The following METTL14 variants were observed in gnomAD, a reference collection of about 807,000 sequenced individuals.
METTL14 encodes N(6)-adenosine-methyltransferase non-catalytic subunit METTL14.
Under a neutral mutation model 62.4 loss-of-function variants are expected in METTL14, and 32 were observed. The observed-to-expected ratio is 0.51, with a 90% CI of 0.39 to 0.69. The LOEUF is 0.69. METTL14 is among the 30% of genes least tolerant of loss of function. The pLI is 0.00. For missense variants in METTL14, 340 were observed against 551.9 expected (o/e 0.62, Z 3.85); for synonymous variants, 150 against 180.0 (o/e 0.83, Z 1.34).
chr4:118,694,477 C>T lies in METTL14; in HGVS notation c.454C>T (p.Leu152Phe), dbSNP rs1304012309. The stretch of plus-strand genomic sequence containing the variant: ...TGAAGAATATCCTAAACTGAGGGAG[C>T]TCATCAGGCTAAAGGATGAGTTAAT... ...RFEEYPKLRE[L>F]IRLKDELIAK... Residue 152 changes from leucine (L) to phenylalanine (F), a missense_variant, in exon 6 of 11, where the codon CTC becomes TTC. Physicochemically the swap from Leu to Phe is conservative, Grantham distance 22 (BLOSUM62 0). This residue lies in a region of METTL14 where 16 missense variants were observed against 70.3 expected (regional missense o/e 0.23). Coordinates refer to ENST00000388822, the MANE Select transcript of METTL14 (RefSeq NM_020961.4). 6.2e-7 allele frequency: 1 copy of T among 1,613,048 alleles called. No individual in the cohort carries two copies. Among genetic ancestry groups the T allele is most frequent in the Non-Finnish European group, 8.5e-7 (1 of 1,179,546 alleles).
intron 1 of METTL14, 94 bp downstream of exon 1, chr4:118,685,694 C>A: frequency 9.5e-7 from 1 of 1,053,174 alleles, no homozygotes; most frequent in Non-Finnish European, 1.4e-6. Context: ...TGTCCCTTCT[C>A]TACCTGCCGC....
chr4:118,692,781 C>T (rs1319406057), intron 5 of METTL14, among the ~76,000 whole-genome samples: 8 of 152,066 alleles, frequency 5.3e-5, no homozygotes, highest in Admixed American at 5.2e-4. Context: ...TTGCATCTCC[C>T]CTAAGGAAGC....
intron 6 of METTL14, among the ~76,000 whole-genome samples, chr4:118,695,772 T>C (rs1009561727): frequency 3.3e-5 from 5 of 152,058 alleles, no homozygotes; most frequent in Non-Finnish European, 7.4e-5. Flanking sequence ...ATCTTTGAAA[T>C]TGGAGAATTT....
At position 118,697,259 on chromosome 4, in the gene METTL14, C is replaced by A. The variant is rs974315570; in HGVS notation, c.581C>A (p.Pro194His). 6.2e-7 allele frequency: 1 copy of A among 1,611,742 alleles called. No individual in the cohort carries two copies. Among genetic ancestry groups the A allele is most frequent in the South Asian group, 1.1e-5 (1 of 90,758 alleles). Residue 194 changes from proline to histidine, a missense_variant, in exon 7 of 11, where the codon CCT becomes CAT. Physicochemically the swap from Pro to His is moderately conservative, Grantham distance 77. Transcript: ENST00000388822. Reference protein sequence around the residue: ...PKFDVILLEPPLEEYYRETGI... With the variant: ...PKFDVILLEPHLEEYYRETGI... ...TTTGATGTGATTCTTCTGGAACCCC[C>A]TTTAGAAGAATATTACAGAGAAACT... is the stretch of plus-strand genomic sequence containing the variant.
intron 8 of METTL14, among the ~76,000 whole-genome samples, chr4:118,703,039 C>T (rs1268554159): frequency 6.6e-6 from 1 of 150,932 alleles, no homozygotes. Context: ...TATACATGTG[C>T]CATGGTGGTT....
chr4:118,707,736 G>A (rs1317318215), intron 10 of METTL14, among the ~76,000 whole-genome samples: 1 of 150,756 alleles, frequency 6.6e-6, no homozygotes, highest in Admixed American at 6.6e-5. Context: ...CAAGGACATA[G>A]CCTAAGGTAT....
intron 10 of METTL14, among the ~76,000 whole-genome samples, chr4:118,707,165 C>T (rs184021066): frequency 3.0e-4 from 46 of 151,774 alleles, no homozygotes; most frequent in Middle Eastern, 6.8e-3. Context: ...GTTAGGGGTA[C>T]AGGTTTAATT....
chr4:118,707,735 A>T (rs1208957124), intron 10 of METTL14, among the ~76,000 whole-genome samples: 1 of 151,892 alleles, frequency 6.6e-6, no homozygotes, highest in Non-Finnish European at 1.5e-5. Context: ...TCAAGGACAT[A>T]GCCTAAGGTA....
rs931030557 is a variant in METTL14 at position 118,712,048 on chromosome 4, C to G, written c.*1746C>G. 6.6e-6 allele frequency: 1 copy of G among 152,038 alleles called. No homozygotes were observed. Among genetic ancestry groups the G allele is most frequent in the Non-Finnish European group, 1.5e-5 (1 of 68,010 alleles). 9.4% of individuals were successfully genotyped at this position (152,038 alleles called of 1,614,324 possible). On this transcript the variant is annotated 3_prime_UTR_variant, in exon 11 of 11. Transcript: ENST00000388822. Reference sequence around the variant, plus strand: ...GAAAGTTAAGGGGAGCCATGATCTACCATATTTAGGAAAAAGTTATTTAAA... The same window carrying G: ...GAAAGTTAAGGGGAGCCATGATCTAGCATATTTAGGAAAAAGTTATTTAAA...
Position 118,689,411 on chromosome 4 carries a change from A to T in METTL14, c.197A>T (p.Tyr66Phe). ...DTSAPNAKRKYLDEGETDEDK... is the reference protein window; with the variant it reads ...DTSAPNAKRKFLDEGETDEDK... Reference sequence around the variant, plus strand: ...TCTGCTCCAAATGCAAAACGTAAGTATCTGGATGAAGGAGAGACAGATGAA... The same window carrying T: ...TCTGCTCCAAATGCAAAACGTAAGTTTCTGGATGAAGGAGAGACAGATGAA... The change falls in exon 3 of 11, where the codon TAT becomes TTT. Residue 66 changes from tyrosine (Y) to phenylalanine (F), a missense_variant. This residue lies in a region of METTL14 where 111 missense variants were observed against 116.6 expected (regional missense o/e 0.95). Coordinates refer to ENST00000388822, the MANE Select transcript of METTL14 (RefSeq NM_020961.4). 1 of 1,607,146 alleles carries T rather than the reference A, an allele frequency of 6.2e-7. No individual in the cohort carries two copies. Among genetic ancestry groups the T allele is most frequent in the Non-Finnish European group, 8.5e-7 (1 of 1,177,000 alleles).
In METTL14 at chr4:118,691,575, A is replaced by G. The variant is rs376584637; in HGVS notation, c.287A>G (p.Glu96Gly). 1.9e-6 allele frequency: 3 copies of G among 1,557,380 alleles called. No homozygotes were observed. The highest frequency in any genetic ancestry group is 2.6e-6 in the Non-Finnish European group (3 of 1,150,418). ...MQQDEENLPY[E>G]EEIYKDSSTF... ...CAGGATGAAGAAAATTTGCCATATG[A>G]AGAAGAGATTTACAAAGATTCTAGT... is the stretch of plus-strand genomic sequence containing the variant. Residue 96 changes from glutamate (E) to glycine (G), a missense_variant, in exon 4 of 11, where the codon GAA becomes GGA. By Grantham distance (98) the Glu-to-Gly change is moderately conservative. Around this residue, in one of 7 missense-constraint regions of METTL14, gnomAD observed 111 missense variants for 116.6 expected, o/e 0.95. Coordinates refer to ENST00000388822, the MANE Select transcript of METTL14 (RefSeq NM_020961.4).
chr4:118,715,357 T>C lies in METTL14; in HGVS notation c.*5055T>C, dbSNP rs1341242878. The stretch of plus-strand genomic sequence containing the variant: ...GATCAAAGTAATTGCTTAAATGTCT[T>C]GTGGAATTAGCTGTCACTTTATAGT... On this transcript the variant is annotated 3_prime_UTR_variant, in exon 11 of 11. Coordinates refer to ENST00000388822, the MANE Select transcript of METTL14 (RefSeq NM_020961.4). 6.6e-6 allele frequency: 1 copy of C among 152,206 alleles called. No individual in the cohort carries two copies. The allele number at this position is 152,206 out of a possible 1,614,324, so 9.4% of individuals were successfully genotyped here.
intron 10 of METTL14, among the ~76,000 whole-genome samples, chr4:118,709,037 A>T (rs1366381302): frequency 6.6e-6 from 1 of 152,380 alleles, no homozygotes; most frequent in African/African-American, 2.4e-5. Context: ...ACAGAAGTAT[A>T]ATGTGCAGTG....
intron 9 of METTL14, 39 bp downstream of exon 9, chr4:118,704,090 ATTTTCTCTCAAGCTT>A: frequency 2.4e-6 from 3 of 1,252,524 alleles, no homozygotes; most frequent in Non-Finnish European, 3.4e-6. Context: ...AATTTTTGTG[ATTTTCTCTCAAGCTT>A]TTCCAAATAA....
At chr4:118,692,868 A>C (rs1724296893) in intron 5 of METTL14, among the ~76,000 whole-genome samples, 1 of 151,896 alleles carries the variant, frequency 6.6e-6, no homozygotes, top group African/African-American at 2.4e-5. Flanking sequence ...CTGCTGATCT[A>C]CTTTCTATTT....
chr4:118,708,908 G>A (rs921776241), intron 10 of METTL14, among the ~76,000 whole-genome samples: 10 of 152,268 alleles, frequency 6.6e-5, no homozygotes, highest in South Asian at 4.1e-4. Context: ...CCAGAGCACC[G>A]TGTCTGTATT....
rs1313303418 is a variant in METTL14, at chr4:118,710,175, G to C, written c.1244G>C (p.Gly415Ala). ...KSDRGGGAPR[G>A]GGRGGTSAGR... ...GACCGAGGAGGTGGAGCTCCCAGAGGTGGAGGAAGAGGTGGAACTTCTGCT... is the reference window on the plus strand; with the variant it reads ...GACCGAGGAGGTGGAGCTCCCAGAGCTGGAGGAAGAGGTGGAACTTCTGCT... The change falls in exon 11 of 11, where the codon GGT becomes GCT. Residue 415 changes from glycine (G) to alanine (A), a missense_variant. Gly to Ala is a moderately conservative substitution (Grantham distance 60). This residue lies in a region of METTL14 where 44 missense variants were observed against 56.4 expected (regional missense o/e 0.78). Transcript: ENST00000388822. 2 of 1,614,092 alleles carry C rather than the reference G, an allele frequency of 1.2e-6. No individual in the cohort carries two copies. Among genetic ancestry groups the C allele is most frequent in the African/African-American group, 2.7e-5 (2 of 74,938 alleles).
In METTL14 at chr4:118,710,165, G is replaced by A. The variant is rs1242370162; in HGVS notation, c.1234G>A (p.Ala412Thr). 6.2e-7 allele frequency: 1 copy of A among 1,614,190 alleles called. No homozygotes were observed. Among genetic ancestry groups the A allele is most frequent in the South Asian group, 1.1e-5 (1 of 91,078 alleles). The part of the protein sequence containing the change: ...PKSKSDRGGG[A>T]PRGGGRGGTS... ...ATCTAAATCTGACCGAGGAGGTGGAGCTCCCAGAGGTGGAGGAAGAGGTGG... is the reference window on the plus strand; with the variant it reads ...ATCTAAATCTGACCGAGGAGGTGGAACTCCCAGAGGTGGAGGAAGAGGTGG... The change falls in exon 11 of 11, where the codon GCT becomes ACT. Residue 412 changes from alanine (A) to threonine (T), a missense_variant. By Grantham distance (58) the Ala-to-Thr change is moderately conservative. Around this residue, in one of 7 missense-constraint regions of METTL14, gnomAD observed 8 missense variants for 34.9 expected, o/e 0.23. Coordinates refer to ENST00000388822, the MANE Select transcript of METTL14 (RefSeq NM_020961.4).
intron 9 of METTL14, among the ~76,000 whole-genome samples, 174 bp downstream of exon 9, chr4:118,704,225 A>G (rs1724690224): frequency 6.6e-6 from 1 of 152,184 alleles, no homozygotes; most frequent in South Asian, 2.1e-4. Context: ...TGTTTTATTC[A>G]TTATCTTAGA....
Sources: allele counts gnomAD v4.1 joint callset (sites outside exome capture counted in the v4.1 genomes callset), GRCh38; gene constraint gnomAD v4.1.1; regional missense constraint gnomAD v4.1.1; transcripts MANE v1.5; gene names NCBI Gene and HGNC (gene_info 2026-07-23, HGNC 2026-07-21).